GABRG2: variants seen among roughly 807,000 people sequenced by gnomAD.
The protein encoded by GABRG2 is gamma-aminobutyric acid type A receptor subunit gamma2, also known as gamma-aminobutyric acid receptor subunit gamma-2.
A neutral mutation model predicts 56.4 loss-of-function variants in GABRG2; 16 were observed. The observed-to-expected ratio is 0.28, with a 90% CI of 0.19 to 0.43. GABRG2 has a LOEUF of 0.43. GABRG2 is among the 20% of genes least tolerant of loss of function. GABRG2 has a pLI of 1.00. For synonymous variants in GABRG2, 208 were observed against 205.5 expected (o/e 1.01, Z -0.10); for missense variants, 327 against 582.7 (o/e 0.56, Z 4.52).
At chr5:162,113,332 T>A (rs1308304600) in intron 6 of GABRG2, among the ~76,000 whole-genome samples, 3 of 152,144 alleles carry the variant, frequency 2.0e-5, no homozygotes, top group Non-Finnish European at 1.5e-5. Flanking sequence ...ATGTCTAATT[T>A]TTCACATTTC....
intron 6 of GABRG2, among the ~76,000 whole-genome samples, chr5:162,139,011 T>TAA (rs200295068): frequency 2.7e-5 from 4 of 145,790 alleles, no homozygotes; most frequent in East Asian, 3.9e-4. Context: ...CACTACAACT[T>TAA]AAAAAAAAAA....
chr5:162,075,929 G>A (rs1007299404), intron 1 of GABRG2, among the ~76,000 whole-genome samples: 2 of 151,890 alleles, frequency 1.3e-5, no homozygotes, highest in Non-Finnish European at 2.9e-5. Flanking sequence ...GAGGCAGGAG[G>A]ATCGCTTGTG....
At chr5:162,115,512 G>A (rs1762555315) in intron 6 of GABRG2, among the ~76,000 whole-genome samples, 1 of 152,082 alleles carries the variant, frequency 6.6e-6, no homozygotes, top group African/African-American at 2.4e-5. Context: ...TGATAAGTTA[G>A]CTAAGGTCTG....
At chr5:162,077,073 C>CTGTG (rs55938019) in intron 1 of GABRG2, among the ~76,000 whole-genome samples, 8,512 of 146,660 alleles carry the variant, frequency 0.058, 379 homozygotes, top group Admixed American at 0.15. Context: ...ACAACTACCC[C>CTGTG]TGTGTGTGTG....
intron 6 of GABRG2, among the ~76,000 whole-genome samples, chr5:162,140,499 C>T (rs1016276194): frequency 5.9e-5 from 9 of 152,240 alleles, no homozygotes; most frequent in Non-Finnish European, 7.4e-5. Context: ...TAACTCACCC[C>T]GCTAATTCAA....
Position 162,068,006 on chromosome 5 carries a change from T to C in GABRG2, c.7T>C (p.Ser3Pro), listed in dbSNP as rs769362559. ...AAGGAAAAAAAAAAAAGCGATGAGT[T>C]CGCCAAATATATGGAGCACAGGAAG... MS[S>P]PNIWSTGSSV... Residue 3 changes from serine to proline, a missense_variant, in exon 1 of 10, where the codon TCG becomes CCG. Physicochemically the swap from Ser to Pro is moderately conservative, Grantham distance 74. Transcript: ENST00000639213. 6.2e-7 allele frequency: 1 copy of C among 1,608,852 alleles called. No individual in the cohort carries two copies.
At chr5:162,151,688 TAAAAACAAATGCAA>T (rs1405433448) in intron 8 of GABRG2, 28 bp from the exon 9 acceptor site, 1 of 1,550,794 alleles carries the variant, frequency 6.4e-7, no homozygotes, top group Non-Finnish European at 8.8e-7. Flanking sequence ...TCCTTTTTAT[TAAAAACAAATGCAA>T]TTCTCTTTTC....
chr5:162,105,814 T>TACACACACACACACACACAC (rs67276484), intron 6 of GABRG2, among the ~76,000 whole-genome samples: 1 of 147,468 alleles, frequency 6.8e-6, no homozygotes, highest in African/African-American at 2.5e-5. Flanking sequence ...AGAAAACACA[T>TACACACACACACACACACAC]ACACACACAC....
chr5:162,153,531 G>A lies in GABRG2; in HGVS notation c.*163G>A. On this transcript the variant is annotated 3_prime_UTR_variant, in exon 10 of 10. Transcript: ENST00000639213. Reference sequence around the variant, plus strand: ...TATAATGTCATATTGTTTGTGCCCAGCCCTCCTTTGGTTAGTGTACTTTGA... The same window carrying A: ...TATAATGTCATATTGTTTGTGCCCAACCCTCCTTTGGTTAGTGTACTTTGA... 3.4e-6 allele frequency: 3 copies of A among 876,266 alleles called. No individual in the cohort carries two copies. Among genetic ancestry groups the A allele is most frequent in the Non-Finnish European group, 5.5e-6 (3 of 548,794 alleles). The allele number at this position is 876,266 out of a possible 1,614,324, so 54.3% of individuals were successfully genotyped here. A position where few individuals can be genotyped will look rare whatever the true frequency, so the allele number is the denominator to read the frequency against.
chr5:162,128,500 A>C (rs934872008), intron 6 of GABRG2: 7 of 151,880 alleles, frequency 4.6e-5, no homozygotes, highest in Admixed American at 1.3e-4. Context: ...CCTTCTCCTG[A>C]CATGTAGGAG....
chr5:162,142,198 G>A lies in GABRG2; in HGVS notation c.804G>A (p.Leu268=), dbSNP rs1257659249. 5.6e-6 allele frequency: 9 copies of A among 1,613,892 alleles called. No individual in the cohort carries two copies. Among genetic ancestry groups the A allele is most frequent in the Non-Finnish European group, 7.6e-6 (9 of 1,179,972 alleles). ...DYVVMSVYFD[L]SRRMGYFTIQ... is the part of the protein sequence containing the mutation. ...TGGTCATGTCTGTCTACTTTGATCT[G>A]AGCAGAAGAATGGGATACTTTACCA... Residue 268 remains leucine (L), a synonymous_variant, in exon 7 of 10, where the codon CTG becomes CTA. Coordinates refer to ENST00000639213, the MANE Select transcript of GABRG2 (RefSeq NM_198904.4).
At chr5:162,153,037 C>G (rs1162006346) in intron 9 of GABRG2, 56 bp from the exon 10 acceptor site, 1 of 1,605,472 alleles carries the variant, frequency 6.2e-7, no homozygotes, top group African/African-American at 1.3e-5. Context: ...GAAAAACAGC[C>G]TAGGATCTCT....
rs561551869 is a variant in GABRG2 at position 162,098,137 on chromosome 5, T to C, written c.548+279T>C. On this transcript the variant is annotated intron_variant, in intron 4 of 9. Coordinates refer to ENST00000639213, the MANE Select transcript of GABRG2 (RefSeq NM_198904.4). ...AACTGACCTGAAATTTCCTTTGTCTTGCAAGATCATCTGACCTTTGCACCT... is the reference window on the plus strand; with the variant it reads ...AACTGACCTGAAATTTCCTTTGTCTCGCAAGATCATCTGACCTTTGCACCT... 199 of 454,102 alleles carry C rather than the reference T, an allele frequency of 4.4e-4. 2 individuals carry two copies. Among genetic ancestry groups the C allele is most frequent in the African/African-American group, 3.5e-3 (176 of 50,648 alleles). 28.1% of individuals were successfully genotyped at this position (454,102 alleles called of 1,614,324 possible).
intron 4 of GABRG2, chr5:162,098,458 A>G (rs978518089): frequency 1.3e-5 from 2 of 153,144 alleles, no homozygotes; most frequent in Non-Finnish European, 2.9e-5. Flanking sequence ...GTAAAATGCT[A>G]CCTTAATAAA....
chr5:162,121,858 C>T (rs960886136), intron 6 of GABRG2, among the ~76,000 whole-genome samples: 2 of 151,908 alleles, frequency 1.3e-5, no homozygotes, highest in African/African-American at 4.8e-5. Flanking sequence ...TCAATGTGTC[C>T]TCTTAAGATC....
intron 6 of GABRG2, among the ~76,000 whole-genome samples, chr5:162,106,079 A>G (rs990390826): frequency 2.0e-5 from 3 of 152,070 alleles, no homozygotes; most frequent in South Asian, 4.1e-4. Context: ...CACCTCCCCA[A>G]TGTCTCGTGT....
At chr5:162,085,810 A>G (rs1760051167) in intron 1 of GABRG2, among the ~76,000 whole-genome samples, 1 of 151,820 alleles carries the variant, frequency 6.6e-6, no homozygotes, top group Admixed American at 6.6e-5. Flanking sequence ...GCTCCCACTT[A>G]TAAGTAAGAA....
At chr5:162,132,298 G>A (rs1763810382) in intron 6 of GABRG2, among the ~76,000 whole-genome samples, 1 of 152,004 alleles carries the variant, frequency 6.6e-6, no homozygotes, top group Admixed American at 6.6e-5. Flanking sequence ...TCTATCTCCA[G>A]AGTAGATGGA....
At chr5:162,071,940 G>A (rs1440351960) in intron 1 of GABRG2, among the ~76,000 whole-genome samples, 1 of 151,330 alleles carries the variant, frequency 6.6e-6, no homozygotes, top group African/African-American at 2.4e-5. Context: ...AAGAAAAACA[G>A]AACGTAAATA....
Sources: gnomAD v4.1 joint callset for allele counts (sites outside exome capture counted in the v4.1 genomes callset) on GRCh38, gnomAD v4.1.1 for gene constraint, MANE v1.5 for transcripts, NCBI Gene and HGNC (gene_info 2026-07-23, HGNC 2026-07-21) for gene names.